Variants in RNF19A observed in about 807,000 individuals in gnomAD.
RNF19A encodes ring finger protein 19A, RBR E3 ubiquitin protein ligase, also known as E3 ubiquitin-protein ligase RNF19A.
RNF19A carries 32 observed loss-of-function variants against 75.7 expected under a neutral mutation model. The observed-to-expected ratio is 0.42, with a 90% CI of 0.32 to 0.57. The LOEUF (loss-of-function observed/expected upper bound fraction) is 0.57. Ranked by LOEUF, RNF19A falls within the 20% of genes least tolerant of loss-of-function variation. The pLI, the probability that RNF19A is intolerant of heterozygous loss-of-function variation, is 0.10. For missense variants in RNF19A, 782 were observed against 1,036.3 expected (o/e 0.75, Z 3.37); for synonymous variants, 335 against 345.2 (o/e 0.97, Z 0.33).
chr8:100,326,793 T>C (rs763009786), intron 1 of RNF19A, among the ~76,000 whole-genome samples: 35 of 152,256 alleles, frequency 2.3e-4, no homozygotes, highest in Non-Finnish European at 4.6e-4. Context: ...TTAAACAGTC[T>C]GTATCAAACA....
rs770167226 is a variant in RNF19A at position 100,269,972 on chromosome 8, T to C, written c.925A>G (p.Ile309Val). 6.2e-7 allele frequency: 1 copy of C among 1,608,900 alleles called. No homozygotes were observed. The highest frequency in any genetic ancestry group is 2.2e-5 in the East Asian group (1 of 44,552). ...KPCPRCAAYI[I>V]KMNDGSCNHM... is the part of the protein sequence containing the mutation. Reference sequence around the variant, plus strand: ...TTGCAGCTCCCATCATTCATCTTTATTATATAAGCAGCACATCGTGGACAT... The same window carrying C: ...TTGCAGCTCCCATCATTCATCTTTACTATATAAGCAGCACATCGTGGACAT... The change falls in exon 4 of 10, where the codon ATA becomes GTA. Residue 309 changes from isoleucine to valine, a missense_variant. Transcript: ENST00000341084. This position sits in a 1 kb window ranked among gnomAD's most constrained non-coding sequence, Gnocchi z 5.7.
rs764477460 is a variant in RNF19A, at chr8:100,269,522, T to C, written c.1028+347A>G. 2.3e-4 allele frequency among the ~76,000 whole-genome samples: 35 copies of C among 152,134 alleles called. No homozygotes were observed. The highest frequency in any genetic ancestry group is 3.9e-4 in the Admixed American group (6 of 15,266). On this transcript the variant is annotated intron_variant, in intron 4 of 9. Transcript: ENST00000341084. The surrounding 1 kb of genome is among the most constrained non-coding windows in gnomAD (Gnocchi z 5.7). ...TGCAAAACATGCATATTTTTAGGCA[T>C]CAATTATCTGATTATATCATAAACT...
At chr8:100,285,276 C>T (rs192860682) in intron 2 of RNF19A, among the ~76,000 whole-genome samples, 167 of 152,262 alleles carry the variant, frequency 1.1e-3, no homozygotes, top group Non-Finnish European at 1.9e-3. Flanking sequence ...ATATAACCTA[C>T]ACCTCTGTAA....
chr8:100,266,273 A>C (rs972985747), intron 5 of RNF19A, among the ~76,000 whole-genome samples: 2 of 152,230 alleles, frequency 1.3e-5, no homozygotes, highest in Non-Finnish European at 2.9e-5. Flanking sequence ...ATGGAAAACT[A>C]ATTCATTCAT....
rs1184313318 is a variant in RNF19A at position 100,275,374 on chromosome 8, T to C, written c.675-213A>G. On this transcript the variant is annotated intron_variant, in intron 2 of 9. Coordinates refer to ENST00000341084, the MANE Select transcript of RNF19A (RefSeq NM_183419.4). The surrounding 1 kb of genome is among the most constrained non-coding windows in gnomAD (Gnocchi z 4.3). ...GGTGTAAAATATTTTAAAAGTTCAA[T>C]TTTTAACTTTCAGGGTTTTTTTTTT... Among the ~76,000 whole-genome samples, 1 of 152,056 alleles carries C rather than the reference T, an allele frequency of 6.6e-6. No homozygotes were observed. Among genetic ancestry groups the C allele is most frequent in the East Asian group, 1.9e-4 (1 of 5,206 alleles).
intron 1 of RNF19A, among the ~76,000 whole-genome samples, chr8:100,334,883 C>A (rs1822656711): frequency 6.6e-6 from 1 of 152,214 alleles, no homozygotes; most frequent in South Asian, 2.1e-4. Flanking sequence ...ACTGTCTGCA[C>A]TGGGGCCTGC....
At chr8:100,310,858 C>T (rs965757904), upstream of RNF19A, among the ~76,000 whole-genome samples, 1 of 152,102 alleles carries the variant, frequency 6.6e-6, no homozygotes, top group Non-Finnish European at 1.5e-5. Flanking sequence ...GTTCCTTCGT[C>T]TCATATCTTT....
In RNF19A at chr8:100,264,458, C is replaced by T. The variant is rs1819875913; in HGVS notation, c.1306+213G>A. ...TGAAGTGCCAGGCCTCCGAACTGTA[C>T]TTGGGGTGGAGTGGGGAGGAAGGGT... On this transcript the variant is annotated intron_variant, in intron 6 of 9. Coordinates refer to ENST00000341084, the MANE Select transcript of RNF19A (RefSeq NM_183419.4). This position sits in a 1 kb window ranked among gnomAD's most constrained non-coding sequence, Gnocchi z 4.7. The T allele has an allele frequency of 6.8e-6, 4 of 586,556 alleles. No individual in the cohort carries two copies. In the East Asian group the frequency reaches 8.4e-5, roughly 12 times the overall value. The allele number at this position is 586,556 out of a possible 1,614,324, so 36.3% of individuals were successfully genotyped here. A position where few individuals can be genotyped will look rare whatever the true frequency, so the allele number is the denominator to read the frequency against.
chr8:100,275,227 A>T lies in RNF19A; in HGVS notation c.675-66T>A. 1 of 1,382,902 alleles carries T rather than the reference A, an allele frequency of 7.2e-7. No homozygotes were observed. The highest frequency in any genetic ancestry group is 1.8e-5 in the Admixed American group (1 of 56,634). 85.7% of individuals were successfully genotyped at this position (1,382,902 alleles called of 1,614,324 possible). A position where few individuals can be genotyped will look rare whatever the true frequency, so the allele number is the denominator to read the frequency against. Reference sequence around the variant, plus strand: ...ACAAGAGATACTCATTTCAAAAAGTATCCAACTAAAGATTATTCCTGAAAA... The same window carrying T: ...ACAAGAGATACTCATTTCAAAAAGTTTCCAACTAAAGATTATTCCTGAAAA... On this transcript the variant is annotated intron_variant, in intron 2 of 9. Coordinates refer to ENST00000341084, the MANE Select transcript of RNF19A (RefSeq NM_183419.4). This position sits in a 1 kb window ranked among gnomAD's most constrained non-coding sequence, Gnocchi z 4.3.
At position 100,264,578 on chromosome 8, in the gene RNF19A, T is replaced by C. The variant is rs1415901618; in HGVS notation, c.1306+93A>G. On this transcript the variant is annotated intron_variant, in intron 6 of 9. Transcript: ENST00000341084. This position sits in a 1 kb window ranked among gnomAD's most constrained non-coding sequence, Gnocchi z 4.7. ...CTTACTGCAGGCTCAATTTAAATTG[T>C]CCTCAAATTAAAAAACAATTAAAAA... 1.2e-6 allele frequency: 1 copy of C among 815,084 alleles called. No individual in the cohort carries two copies. Among genetic ancestry groups the C allele is most frequent in the Non-Finnish European group, 2.0e-6 (1 of 495,286 alleles). The allele number at this position is 815,084 out of a possible 1,614,324, so 50.5% of individuals were successfully genotyped here. A position where few individuals can be genotyped will look rare whatever the true frequency, so the allele number is the denominator to read the frequency against.
chr8:100,272,733 G>A (rs946995912), intron 3 of RNF19A, among the ~76,000 whole-genome samples: 1 of 151,552 alleles, frequency 6.6e-6, no homozygotes, highest in East Asian at 1.9e-4. Flanking sequence ...TAGTAGAGAC[G>A]GGATTTCACC....
At chr8:100,309,456 A>T (rs2130256116) in intron 1 of RNF19A, 2 of 985,484 alleles carry the variant, frequency 2.0e-6, no homozygotes, top group South Asian at 4.7e-5. Flanking sequence ...TCCCCGCGGC[A>T]ACCGCCCTTG....
In RNF19A at chr8:100,269,941, A is replaced by C; in HGVS notation, c.956T>G (p.Met319Arg). 6.2e-7 allele frequency: 1 copy of C among 1,610,564 alleles called. No homozygotes were observed. The highest frequency in any genetic ancestry group is 8.5e-7 in the Non-Finnish European group (1 of 1,178,390). Residue 319 changes from methionine (M) to arginine (R), a missense_variant, in exon 4 of 10, where the codon ATG (methionine) becomes AGG (arginine). Physicochemically the swap from Met to Arg is moderately conservative, Grantham distance 91. Around this residue, in one of 7 missense-constraint regions of RNF19A, gnomAD observed 31 missense variants for 48.8 expected, o/e 0.64. Coordinates refer to ENST00000341084, the MANE Select transcript of RNF19A (RefSeq NM_183419.4). This position sits in a 1 kb window ranked among gnomAD's most constrained non-coding sequence, Gnocchi z 5.7. ...CTCACAACCACAAACAGCACATGTCATGTGATTGCAGCTCCCATCATTCAT... is the reference window on the plus strand; with the variant it reads ...CTCACAACCACAAACAGCACATGTCCTGTGATTGCAGCTCCCATCATTCAT... ...IKMNDGSCNHMTCAVCGCEFC... is the reference protein window; with the variant it reads ...IKMNDGSCNHRTCAVCGCEFC...
At chr8:100,273,397 C>A (rs1485945881) in intron 3 of RNF19A, among the ~76,000 whole-genome samples, 1 of 152,168 alleles carries the variant, frequency 6.6e-6, no homozygotes, top group African/African-American at 2.4e-5. Context: ...TGGTATGATA[C>A]TCTAGCTGCT....
At position 100,261,664 on chromosome 8, in the gene RNF19A, GCTTCCA is replaced by G. The variant is rs1233770930; in HGVS notation, c.1554_1559del (p.Gly519_Ser520del). 6.2e-7 allele frequency: 1 copy of G among 1,614,038 alleles called. No individual in the cohort carries two copies. The highest frequency in any genetic ancestry group is 8.5e-7 in the Non-Finnish European group (1 of 1,180,000). On this transcript the variant is annotated inframe_deletion, in exon 8 of 10. Coordinates refer to ENST00000341084, the MANE Select transcript of RNF19A (RefSeq NM_183419.4). The surrounding 1 kb of genome is among the most constrained non-coding windows in gnomAD (Gnocchi z 4.4). ...GGATGGCTCCTATTCGATCCATGTG[GCTTCCA>G]CTTGCACTCAAACTGCCAGTCAGCC... is the stretch of plus-strand genomic sequence containing the variant.
At chr8:100,335,965 T>A (rs1822677295) in intron 1 of RNF19A, 1 of 152,246 alleles carries the variant, frequency 6.6e-6, no homozygotes, top group Non-Finnish European at 1.5e-5. Flanking sequence ...CGGGACAAGT[T>A]TAGCCAAAAA....
In RNF19A at chr8:100,287,976, T is replaced by C. The variant is rs1472974583; in HGVS notation, c.199A>G (p.Ile67Val). 8.7e-6 allele frequency: 14 copies of C among 1,614,084 alleles called. No individual in the cohort carries two copies. Among genetic ancestry groups the C allele is most frequent in the South Asian group, 4.4e-5 (4 of 91,090 alleles). ...TTTTTCCTCCGAAACAGGGAGCCTA[T>C]TGAAATTCTTCTTTTTTTGGGTGCC... ...KKAPKKRRISIGSLFRRKKDN... is the reference protein window; with the variant it reads ...KKAPKKRRISVGSLFRRKKDN... Residue 67 changes from isoleucine to valine, a missense_variant, in exon 2 of 10, where the codon ATA becomes GTA. Physicochemically the swap from Ile to Val is conservative, Grantham distance 29 (BLOSUM62 3). This residue lies in a region of RNF19A where 148 missense variants were observed against 147.9 expected (regional missense o/e 1.00). Coordinates refer to ENST00000341084, the MANE Select transcript of RNF19A (RefSeq NM_183419.4). The surrounding 1 kb of genome is among the most constrained non-coding windows in gnomAD (Gnocchi z 4.1).
chr8:100,302,905 A>C (rs1203527121), intron 1 of RNF19A, among the ~76,000 whole-genome samples: 1 of 152,226 alleles, frequency 6.6e-6, no homozygotes, highest in East Asian at 1.9e-4. Context: ...CAAAATAACA[A>C]AATGTATCTT....
In RNF19A at chr8:100,302,168, G is replaced by T. The variant is rs73282753; in HGVS notation, c.-94+7699C>A. 5.2e-3 allele frequency among the ~76,000 whole-genome samples: 786 copies of T among 152,364 alleles called. 10 individuals carry two copies. Among genetic ancestry groups the T allele is most frequent in the African/African-American group, 0.018 (769 of 41,582 alleles). On this transcript the variant is annotated intron_variant, in intron 1 of 9. Coordinates refer to ENST00000341084, the MANE Select transcript of RNF19A (RefSeq NM_183419.4). ...AAACTTGGGTTTCTAAAGTGACAGA[G>T]ATAGTTTAAAATCTAAGTTTAAAAG...
Sources: gnomAD v4.1 joint callset for allele counts (sites outside exome capture counted in the v4.1 genomes callset) on GRCh38, gnomAD v4.1.1 for gene constraint, gnomAD v4.1.1 regional missense constraint, Gnocchi (gnomAD v3.1) non-coding constraint, MANE v1.5 for transcripts, NCBI Gene and HGNC (gene_info 2026-07-23, HGNC 2026-07-21) for gene names.